Variants in PPP1R1C observed in about 807,000 individuals in gnomAD.
PPP1R1C encodes the protein protein phosphatase 1 regulatory subunit 1C.
Under a neutral mutation model 17.4 loss-of-function variants are expected in PPP1R1C, and 15 were observed. That is an observed-to-expected ratio of 0.86 (90% CI 0.58 to 1.33). PPP1R1C has a LOEUF of 1.33. PPP1R1C is among the 40% of genes most tolerant of loss of function. The pLI is 0.00. For synonymous variants in PPP1R1C, 35 were observed against 43.1 expected, an observed-to-expected ratio of 0.81 and a Z score of 0.73; for missense variants, 143 against 130.0, an observed-to-expected ratio of 1.10 and a Z score of -0.48.
At chr2:182,068,564 GT>G (rs1167799380) in intron 4 of PPP1R1C, among the ~76,000 whole-genome samples, 3 of 152,184 alleles carry the variant, frequency 2.0e-5, no homozygotes, top group Non-Finnish European at 2.9e-5. Flanking sequence ...AGGTCGGCGT[GT>G]GAAGTTTATC....
intron 2 of PPP1R1C, among the ~76,000 whole-genome samples, chr2:182,005,992 G>A (rs1365090704): frequency 6.6e-6 from 1 of 152,094 alleles, no homozygotes; most frequent in Non-Finnish European, 1.5e-5. Context: ...AGTACTCACA[G>A]TAAATAAAAC....
chr2:182,057,252 A>C (rs970536605), intron 2 of PPP1R1C, among the ~76,000 whole-genome samples: 6 of 152,158 alleles, frequency 3.9e-5, no homozygotes, highest in African/African-American at 1.2e-4. Context: ...TAAAAACACT[A>C]ATGGACATGA....
At chr2:181,998,261 ACTATTGATGCTAGG>A (rs1685669299) in intron 2 of PPP1R1C, among the ~76,000 whole-genome samples, 1 of 152,184 alleles carries the variant, frequency 6.6e-6, no homozygotes, top group Non-Finnish European at 1.5e-5. Context: ...TGCTGGCAAC[ACTATTGATGCTAGG>A]CTCGGTCTTT....
chr2:182,077,495 G>T (rs1688348120), intron 4 of PPP1R1C, among the ~76,000 whole-genome samples: 1 of 152,140 alleles, frequency 6.6e-6, no homozygotes, highest in African/African-American at 2.4e-5. Flanking sequence ...AGAATTCTTT[G>T]CATCTATATC....
intron 2 of PPP1R1C, among the ~76,000 whole-genome samples, chr2:181,980,314 A>C (rs1002486393): frequency 1.3e-5 from 2 of 152,244 alleles, no homozygotes; most frequent in Non-Finnish European, 2.9e-5. Flanking sequence ...AAATCCATAA[A>C]AGTGAAAGGT....
At chr2:182,023,651 C>T (rs1384269833) in intron 2 of PPP1R1C, among the ~76,000 whole-genome samples, 1 of 151,846 alleles carries the variant, frequency 6.6e-6, no homozygotes, top group Non-Finnish European at 1.5e-5. Context: ...ACAGGATTTT[C>T]CTCTGGTTCC....
chr2:182,113,466 A>C (rs1250673933), intron 4 of PPP1R1C, among the ~76,000 whole-genome samples: 1 of 152,164 alleles, frequency 6.6e-6, no homozygotes, highest in African/African-American at 2.4e-5. Context: ...CTTAAAATGC[A>C]GATGAGAACT....
chr2:182,116,542 G>A lies in PPP1R1C; in HGVS notation c.242-665G>A, dbSNP rs527874812. On this transcript the variant is annotated intron_variant, in intron 4 of 4. Coordinates refer to ENST00000682840, the MANE Select transcript of PPP1R1C (RefSeq NM_001080545.3). ...AGCCTGAGGGAGCCTGGAGTAGCCC[G>A]GGGGAAAAGTAGGTTAGTGTTGTTA... Among the ~76,000 whole-genome samples, 5 of 152,176 alleles carry A rather than the reference G, an allele frequency of 3.3e-5. No individual in the cohort carries two copies. The South Asian group carries it at 6.2e-4, about 19-fold the overall frequency.
At chr2:182,043,871 G>C (rs1687261788) in intron 2 of PPP1R1C, among the ~76,000 whole-genome samples, 1 of 152,040 alleles carries the variant, frequency 6.6e-6, no homozygotes, top group African/African-American at 2.4e-5. Flanking sequence ...TCCTAAATCT[G>C]TGTCTTCAGC....
chr2:181,986,255 A>T (rs1685295553), intron 1 of PPP1R1C, 64 bp downstream of exon 1: 1 of 1,243,576 alleles, frequency 8.0e-7, no homozygotes, highest in East Asian at 2.3e-5. Context: ...CATTCTGGTT[A>T]TTAATTGAAA....
rs1684659523 is a variant in PPP1R1C at position 181,955,728 on chromosome 2, C to T, written n.111+1094C>T. On this transcript the variant is annotated intron_variant and non_coding_transcript_variant, in intron 1 of 5. Transcript: ENST00000464264. ...TTTAAATTAGTGGGAGGAGCTTATA[C>T]ACTATCTTTTTCATAAATAACACTT... Among the ~76,000 whole-genome samples the T allele has an allele frequency of 1.3e-5, 2 of 152,160 alleles. 1 individual carries two copies. The highest frequency in any genetic ancestry group is 4.1e-4 in the South Asian group (2 of 4,824).
At chr2:181,980,878 TAG>T (rs1397319618), upstream of PPP1R1C, among the ~76,000 whole-genome samples, 3 of 152,064 alleles carry the variant, frequency 2.0e-5, no homozygotes, top group Non-Finnish European at 2.9e-5. Flanking sequence ...TCAAAATTGT[TAG>T]AGTTAGTGAA....
At position 182,054,059 on chromosome 2, in the gene PPP1R1C, A is replaced by G. The variant is rs140866474; in HGVS notation, c.143-7383A>G. 1.7e-3 allele frequency among the ~76,000 whole-genome samples: 257 copies of G among 152,092 alleles called. 1 individual carries two copies. The highest frequency in any genetic ancestry group is 3.9e-4 in the East Asian group (2 of 5,172). ...TGTTTACCTTTGTTTCATGTATTTTATATCTTTATATTTTGGTATTGGATT... is the reference window on the plus strand; with the variant it reads ...TGTTTACCTTTGTTTCATGTATTTTGTATCTTTATATTTTGGTATTGGATT... On this transcript the variant is annotated intron_variant, in intron 2 of 4. Coordinates refer to ENST00000682840, the MANE Select transcript of PPP1R1C (RefSeq NM_001080545.3).
chr2:182,125,087 G>T (rs1689842599), intron 5 of PPP1R1C, among the ~76,000 whole-genome samples: 2 of 152,098 alleles, frequency 1.3e-5, no homozygotes, highest in African/African-American at 4.8e-5. Flanking sequence ...TACATAGTTT[G>T]TTGAGTGTTT....
At chr2:182,025,278 T>A (rs896941085) in intron 2 of PPP1R1C, among the ~76,000 whole-genome samples, 2 of 146,250 alleles carry the variant, frequency 1.4e-5, no homozygotes, top group Non-Finnish European at 3.0e-5. Flanking sequence ...TACATATGTA[T>A]ACATGTGCCA....
intron 5 of PPP1R1C, among the ~76,000 whole-genome samples, chr2:182,127,269 G>GA (rs1204754567): frequency 6.6e-6 from 1 of 151,992 alleles, no homozygotes; most frequent in African/African-American, 2.4e-5. Context: ...TTCTGAGCTG[G>GA]AAAATGAGTC....
chr2:182,120,813 A>G (rs1007013820), downstream of PPP1R1C, among the ~76,000 whole-genome samples: 1 of 152,158 alleles, frequency 6.6e-6, no homozygotes, highest in African/African-American at 2.4e-5. Context: ...AATATACAGT[A>G]TAGCTTCTGG....
chr2:182,090,752 G>A (rs896025324), intron 4 of PPP1R1C, among the ~76,000 whole-genome samples: 1 of 152,030 alleles, frequency 6.6e-6, no homozygotes, highest in Non-Finnish European at 1.5e-5. Context: ...TAACTAGTAA[G>A]TTTTCCAAAA....
chr2:181,974,517 T>C (rs1037436621), intron 1 of PPP1R1C, among the ~76,000 whole-genome samples: 1 of 152,230 alleles, frequency 6.6e-6, no homozygotes, highest in Non-Finnish European at 1.5e-5. Flanking sequence ...CATACTCCCT[T>C]GCACAAAGAT....
Sources: allele counts gnomAD v4.1 joint callset (sites outside exome capture counted in the v4.1 genomes callset), GRCh38; gene constraint gnomAD v4.1.1; transcripts MANE v1.5; gene names NCBI Gene and HGNC (gene_info 2026-07-23, HGNC 2026-07-21).